Variants in TTC21B observed in about 807,000 individuals in gnomAD.
TTC21B encodes the protein tetratricopeptide repeat domain 21B.
TTC21B carries 127 observed loss-of-function variants against 175.1 expected under a neutral mutation model. The ratio of observed to expected loss-of-function variants is 0.73; its 90% CI spans 0.63 to 0.84. The LOEUF (loss-of-function observed/expected upper bound fraction) is 0.84. Ranked by LOEUF, TTC21B falls within the 40% of genes least tolerant of loss-of-function variation. The pLI, the probability that TTC21B is intolerant of heterozygous loss-of-function variation, is 0.00. For synonymous variants in TTC21B, 524 were observed against 524.5 expected, an observed-to-expected ratio of 1.00 and a Z score of 0.01; for missense variants, 1,561 against 1,558.3, an observed-to-expected ratio of 1.00 and a Z score of -0.03.
intron 1 of TTC21B, among the ~76,000 whole-genome samples, chr2:165,951,428 C>A (rs1416916127): frequency 1.3e-5 from 2 of 152,166 alleles, no homozygotes; most frequent in Non-Finnish European, 2.9e-5. Context: ...AGTTCCTCTG[C>A]ATCCCATATG....
At chr2:165,918,937 A>G (rs554877960) in intron 13 of TTC21B, among the ~76,000 whole-genome samples, 1 of 152,330 alleles carries the variant, frequency 6.6e-6, no homozygotes, top group African/African-American at 2.4e-5. Flanking sequence ...AATATTTGAC[A>G]TAAGGATCAT....
At position 165,910,001 on chromosome 2, in the gene TTC21B, C is replaced by A. The variant is rs531084857; in HGVS notation, c.2461+1326G>T. On this transcript the variant is annotated intron_variant, in intron 18 of 28. Coordinates refer to ENST00000243344, the MANE Select transcript of TTC21B (RefSeq NM_024753.5). Reference sequence around the variant, plus strand: ...CAGGGAGACTGAATATCATGATATACAAGTTGTTAAATATGGTTTTCTCTG... The same window carrying A: ...CAGGGAGACTGAATATCATGATATAAAAGTTGTTAAATATGGTTTTCTCTG... Among the ~76,000 whole-genome samples the A allele has an allele frequency of 1.0e-3, 155 of 152,258 alleles. 1 individual carries two copies. The highest frequency in any genetic ancestry group is 2.7e-3 in the African/African-American group (111 of 41,548).
At chr2:165,894,135 T>G (rs1312587093) in intron 22 of TTC21B, among the ~76,000 whole-genome samples, 1 of 152,002 alleles carries the variant, frequency 6.6e-6, no homozygotes, top group East Asian at 1.9e-4. Flanking sequence ...ATTAGAGCAG[T>G]GGGTTAGGAT....
chr2:165,946,320 T>G (rs55894207), intron 3 of TTC21B, among the ~76,000 whole-genome samples: 1 of 151,422 alleles, frequency 6.6e-6, no homozygotes, highest in African/African-American at 2.4e-5. Flanking sequence ...GCCTGGGTGA[T>G]AGAGCAAGAC....
intron 28 of TTC21B, among the ~76,000 whole-genome samples, chr2:165,875,479 C>T (rs1239093996): frequency 6.6e-6 from 1 of 151,912 alleles, no homozygotes; most frequent in Admixed American, 6.6e-5. Flanking sequence ...CTTGGAGGTC[C>T]TTACAATGTT....
rs181733260 is a variant in TTC21B, at chr2:165,906,078, T to A, written c.2568+1600A>T. On this transcript the variant is annotated intron_variant, in intron 19 of 28. Transcript: ENST00000243344. ...AAAAATTCAATGTTACACTTTTAAATAACCCACCGGTCCAAGAAGCAATCA... is the reference window on the plus strand; with the variant it reads ...AAAAATTCAATGTTACACTTTTAAAAAACCCACCGGTCCAAGAAGCAATCA... Among the ~76,000 whole-genome samples the A allele has an allele frequency of 3.3e-5, 5 of 152,106 alleles. No individual in the cohort carries two copies. In the East Asian group the frequency reaches 9.6e-4, roughly 29 times the overall value.
At position 165,930,299 on chromosome 2, in the gene TTC21B, G is replaced by T. The variant is rs148866170; in HGVS notation, c.960C>A (p.Asn320Lys). The T allele has an allele frequency of 5.0e-6, 8 of 1,612,914 alleles. No homozygotes were observed. Among genetic ancestry groups the T allele is most frequent in the Non-Finnish European group, 6.8e-6 (8 of 1,179,342 alleles). ...QTLLERAFSL[N>K]PQQSEFATEL... is the part of the protein sequence containing the mutation. ...CTGTAGCAAATTCTGATTGCTGAGG[G>T]TTTAAACTAAAAGCTCTCTCAAGTA... The change falls in exon 9 of 29, where the codon AAC becomes AAA. Residue 320 changes from asparagine to lysine, a missense_variant. Physicochemically the swap from Asn to Lys is moderately conservative, Grantham distance 94. Coordinates refer to ENST00000243344, the MANE Select transcript of TTC21B (RefSeq NM_024753.5).
At chr2:165,883,145 GATAA>G (rs1212368967) in intron 26 of TTC21B, among the ~76,000 whole-genome samples, 1 of 151,864 alleles carries the variant, frequency 6.6e-6, no homozygotes, top group Non-Finnish European at 1.5e-5. Context: ...AATATATGAA[GATAA>G]ATATCATTTC....
At chr2:165,910,082 A>G (rs926714358) in intron 18 of TTC21B, among the ~76,000 whole-genome samples, 2 of 152,176 alleles carry the variant, frequency 1.3e-5, no homozygotes, top group African/African-American at 4.8e-5. Flanking sequence ...AATTCTGGCA[A>G]TGGGCAACCA....
chr2:165,922,566 C>CAAAAAAAAAAAAAAAAAAAAA (rs71031215), intron 12 of TTC21B, among the ~76,000 whole-genome samples: 1 of 97,430 alleles, frequency 1.0e-5, no homozygotes, highest in African/African-American at 3.9e-5. Context: ...ATTAAAAAGT[C>CAAAAAAAAAAAAAAAAAAAAA]AAAAAAAAAA....
chr2:165,926,282 C>T (rs1473227645), intron 11 of TTC21B, among the ~76,000 whole-genome samples: 1 of 152,202 alleles, frequency 6.6e-6, no homozygotes, highest in East Asian at 1.9e-4. Context: ...ATTCTCAGCA[C>T]ATCTGATAGA....
In TTC21B at chr2:165,938,214, T is replaced by C. The variant is rs542456160; in HGVS notation, c.710+2813A>G. 2.0e-5 allele frequency among the ~76,000 whole-genome samples: 3 copies of C among 151,924 alleles called. No homozygotes were observed. In the South Asian group the frequency reaches 6.2e-4, roughly 32 times the overall value. The stretch of plus-strand genomic sequence containing the variant: ...AAGGAATTCTTGGCATTTTTTTTTT[T>C]AAACCTGGAAATAACGGAAAAGACT... On this transcript the variant is annotated intron_variant, in intron 6 of 28. Transcript: ENST00000243344.
chr2:165,914,678 T>TGTGTGTGTGTGTGTGTGCGCGCGCGCGC (rs1553511316), intron 15 of TTC21B, among the ~76,000 whole-genome samples: 5 of 117,846 alleles, frequency 4.2e-5, no homozygotes, highest in African/African-American at 2.0e-4. Flanking sequence ...TGTGTGTGTG[T>TGTGTGTGTGTGTGTGTGCGCGCGCGCGC]GTGTGTGTGT....
At chr2:165,910,800 C>T (rs541688374) in intron 18 of TTC21B, among the ~76,000 whole-genome samples, 6 of 124,416 alleles carry the variant, frequency 4.8e-5, no homozygotes, top group Admixed American at 8.9e-5. Context: ...ATCTGGGACA[C>T]GTATGTGGAA....
intron 7 of TTC21B, among the ~76,000 whole-genome samples, chr2:165,932,513 C>T (rs969127632): frequency 6.6e-6 from 1 of 152,098 alleles, no homozygotes; most frequent in Non-Finnish European, 1.5e-5. Context: ...TTCACTACTA[C>T]AGAAACAGAT....
chr2:165,943,339 T>C lies in TTC21B; in HGVS notation c.432A>G (p.Gly144=), dbSNP rs199916972. ...MIKISDGSKQ[G]HVLKAWLDIT... is the part of the protein sequence containing the mutation. ...TATCAAGCCATGCTTTCAAAACGTG[T>C]CCCTGTAAAATGAATAATTCTATTT... The change falls in exon 5 of 29, where the codon GGA becomes GGG. Residue 144 remains glycine (G), a splice_region_variant and synonymous_variant. Coordinates refer to ENST00000243344, the MANE Select transcript of TTC21B (RefSeq NM_024753.5). 6.2e-7 allele frequency: 1 copy of C among 1,604,610 alleles called. No individual in the cohort carries two copies. The highest frequency in any genetic ancestry group is 1.7e-5 in the Admixed American group (1 of 59,852).
intron 18 of TTC21B, among the ~76,000 whole-genome samples, chr2:165,908,188 T>C (rs979632554): frequency 7.9e-5 from 12 of 152,180 alleles, no homozygotes; most frequent in Non-Finnish European, 1.6e-4. Flanking sequence ...TGATAAGCAA[T>C]AAAGTACAGT....
chr2:165,936,497 C>T (rs894424804), intron 6 of TTC21B, among the ~76,000 whole-genome samples: 20 of 151,848 alleles, frequency 1.3e-4, no homozygotes, highest in African/African-American at 4.6e-4. Context: ...GCTCTGTGAA[C>T]GACAAGCCAC....
At chr2:165,934,814 T>C (rs1252197589) in intron 6 of TTC21B, 1 of 151,690 alleles carries the variant, frequency 6.6e-6, no homozygotes, top group Non-Finnish European at 1.5e-5. Flanking sequence ...AATAGACTAC[T>C]AGTAGGAGTG....
Sources: allele counts gnomAD v4.1 joint callset (sites outside exome capture counted in the v4.1 genomes callset), GRCh38; gene constraint gnomAD v4.1.1; transcripts MANE v1.5; gene names NCBI Gene and HGNC (gene_info 2026-07-23, HGNC 2026-07-21).